SEMA4G: variants seen among roughly 807,000 people sequenced by gnomAD.
The protein encoded by SEMA4G is semaphorin-4G.
In SEMA4G, 59 loss-of-function variants were observed where a neutral mutation model predicts 81.2. That is an observed-to-expected ratio of 0.73 (90% CI 0.59 to 0.90). The LOEUF (loss-of-function observed/expected upper bound fraction) is 0.90. Among genes scored for constraint, SEMA4G ranks in the 40% least tolerant of loss-of-function variants. The pLI, the probability that SEMA4G is intolerant of heterozygous loss-of-function variation, is 0.00. For missense variants in SEMA4G, 952 were observed against 1,102.3 expected (o/e 0.86, Z 1.93); for synonymous variants, 404 against 433.9 (o/e 0.93, Z 0.86).
exon 14 of SEMA4G, chr10:100,983,760 C>G (rs138505815): frequency 4.3e-6 from 7 of 1,610,414 alleles, no homozygotes; most frequent in Non-Finnish European, 5.9e-6. Context: ...CTCACTGGGT[C>G]GGGCCAGCCG....
At chr10:100,984,923 C>T (rs1361197103), downstream of SEMA4G, 2 of 1,446,410 alleles carry the variant, frequency 1.4e-6, no homozygotes, top group Non-Finnish European at 9.1e-7. Flanking sequence ...GTCCCATCCC[C>T]ATGCACATGT....
chr10:100,983,517 G>T lies in SEMA4G; in HGVS notation c.1903G>T (p.Glu635Ter). The change falls in exon 14 of 14, where the codon GAG (glutamate) becomes TAG (stop). Residue 635 changes from glutamate (E) to a stop codon, truncating the protein, a stop_gained. Coordinates refer to ENST00000370250, the Ensembl canonical transcript of SEMA4G. LOFTEE classifies it high-confidence loss of function. ...CAGTGGCAACTATGGCTGCTATGCC[G>T]AGGAAAATGGCCTCCGCACCCTGCT... 1 of 1,614,178 alleles carries T rather than the reference G, an allele frequency of 6.2e-7. No homozygotes were observed. The highest frequency in any genetic ancestry group is 8.5e-7 in the Non-Finnish European group (1 of 1,180,036).
intron 4 of SEMA4G, chr10:100,978,001 T>G: frequency 1.8e-6 from 1 of 570,318 alleles, no homozygotes. Flanking sequence ...CAAAGGGCCT[T>G]GATCCCCTGG....
At chr10:100,977,897 TCC>T (rs1170607424) in intron 4 of SEMA4G, 167 bp downstream of exon 5, 13 of 615,122 alleles carry the variant, frequency 2.1e-5, no homozygotes, top group Non-Finnish European at 3.5e-5. Flanking sequence ...GGAGAACCAT[TCC>T]CCTTTGTAAA....
intron 13 of SEMA4G, among the ~76,000 whole-genome samples, chr10:100,982,391 G>A (rs540580202): frequency 6.6e-6 from 1 of 152,344 alleles, no homozygotes; most frequent in Admixed American, 6.5e-5. Flanking sequence ...TACCTCTCAT[G>A]AAGAATGGAT....
chr10:100,985,157 C>T (rs899075093), downstream of SEMA4G: 2 of 405,426 alleles, frequency 4.9e-6, no homozygotes, highest in Non-Finnish European at 8.8e-6. Context: ...CATTTGCTTC[C>T]TCTAGACTAC....
chr10:100,980,126 TCA>T lies in SEMA4G; in HGVS notation c.1136_1137del (p.Thr379ArgfsTer65). 4 of 1,614,164 alleles carry T rather than the reference TCA, an allele frequency of 2.5e-6. No individual in the cohort carries two copies. Among genetic ancestry groups the T allele is most frequent in the Non-Finnish European group, 3.4e-6 (4 of 1,180,012 alleles). On this transcript the variant is annotated frameshift_variant, in exon 10 of 14. Coordinates refer to ENST00000370250, the Ensembl canonical transcript of SEMA4G. LOFTEE classifies it high-confidence loss of function. ...CACCTTCGTCCCCCACGCCAGTGTATCACAGATTCATTGCGCAGCCAAGGCTA... is the reference window on the plus strand; with the variant it reads ...CACCTTCGTCCCCCACGCCAGTGTATCAGATTCATTGCGCAGCCAAGGCTA...
chr10:100,978,658 C>T lies in SEMA4G; in HGVS notation c.643+18C>T. 1 of 1,603,212 alleles carries T rather than the reference C, an allele frequency of 6.2e-7. No individual in the cohort carries two copies. The highest frequency in any genetic ancestry group is 1.1e-5 in the South Asian group (1 of 90,862). ...GCTCAATGGTTAGGAGGATGAGGCA[C>T]AGGATGATGGGGGGTAGGGGACTAT... On this transcript the variant is annotated intron_variant, in intron 6 of 13. Transcript: ENST00000370250.
chr10:100,979,970 T>TGCC, exon 9 of SEMA4G: 2 of 1,613,876 alleles, frequency 1.2e-6, no homozygotes, highest in Middle Eastern at 3.3e-4. Context: ...GAGGGTGGGG[T>TGCC]GCCTGAGCCC....
intron 13 of SEMA4G, among the ~76,000 whole-genome samples, chr10:100,982,818 G>A (rs556485765): frequency 6.2e-4 from 94 of 152,252 alleles, no homozygotes; most frequent in Middle Eastern, 3.4e-3. Context: ...ACAAAAAGGC[G>A]AGCAAGAAAG....
chr10:100,975,744 A>C lies in SEMA4G; in HGVS notation c.337-1888A>C, dbSNP rs188966398. 3.8e-3 allele frequency among the ~76,000 whole-genome samples: 582 copies of C among 152,178 alleles called. 3 individuals are homozygous for C. The highest frequency in any genetic ancestry group is 7.0e-3 in the Admixed American group (107 of 15,292). Reference sequence around the variant, plus strand: ...GGTGATGCACATCCATGCGAGTAGTAGTCCCAGTCACATCACCATGGTGTT... The same window carrying C: ...GGTGATGCACATCCATGCGAGTAGTCGTCCCAGTCACATCACCATGGTGTT... On this transcript the variant is annotated intron_variant, in intron 3 of 13. Coordinates refer to ENST00000370250, the Ensembl canonical transcript of SEMA4G.
Position 100,983,518 on chromosome 10 carries a change from A to C in SEMA4G, c.1904A>C (p.Glu635Ala), listed in dbSNP as rs1408024389. 1.9e-6 allele frequency: 3 copies of C among 1,614,176 alleles called. No individual in the cohort carries two copies. The East Asian group carries it at 6.7e-5, about 36-fold the overall frequency. ...AGTGGCAACTATGGCTGCTATGCCG[A>C]GGAAAATGGCCTCCGCACCCTGCTG... The change falls in exon 14 of 14, where the codon GAG becomes GCG. Residue 635 changes from glutamate (E) to alanine (A), a missense_variant. Glu to Ala is a moderately radical substitution (Grantham distance 107). Coordinates refer to ENST00000370250, the Ensembl canonical transcript of SEMA4G.
chr10:100,971,535 CCT>C (rs1330934263), upstream of SEMA4G, among the ~76,000 whole-genome samples: 1 of 152,194 alleles, frequency 6.6e-6, no homozygotes, highest in Non-Finnish European at 1.5e-5. Flanking sequence ...TGATTCCTCC[CCT>C]CTTTCCAAGG....
chr10:100,982,291 G>C (rs949644703), intron 13 of SEMA4G, among the ~76,000 whole-genome samples: 1 of 152,144 alleles, frequency 6.6e-6, no homozygotes. Context: ...AGGCCATGTT[G>C]AAGATTTTGG....
At chr10:100,978,184 C>T in intron 4 of SEMA4G, 111 bp from the exon 6 acceptor site, 1 of 707,156 alleles carries the variant, frequency 1.4e-6, no homozygotes, top group Admixed American at 2.5e-5. Context: ...ATCTGCCATA[C>T]AACCTGCCCC....
chr10:100,984,436 G>T, exon 14 of SEMA4G: 1 of 1,495,340 alleles, frequency 6.7e-7, no homozygotes, highest in South Asian at 1.3e-5. Flanking sequence ...TTATAGGTGA[G>T]GACTCCATCC....
exon 1 of SEMA4G, chr10:100,972,791 T>G: frequency 1.1e-5 from 12 of 1,075,098 alleles, no homozygotes; most frequent in Non-Finnish European, 1.3e-5. Flanking sequence ...TTATGACCCC[T>G]GACCTTCCAA....
chr10:100,975,863 C>T (rs1850757679), intron 3 of SEMA4G, among the ~76,000 whole-genome samples: 1 of 152,002 alleles, frequency 6.6e-6, no homozygotes, highest in African/African-American at 2.4e-5. Flanking sequence ...TCATGCACTG[C>T]ACTCCAACCT....
downstream of SEMA4G, chr10:100,984,961 G>A (rs1275426272): frequency 7.1e-7 from 1 of 1,413,176 alleles, no homozygotes; most frequent in Non-Finnish European, 9.3e-7. Flanking sequence ...TCACACATGT[G>A]CTTACATTTC....
Sources: allele counts gnomAD v4.1 joint callset (sites outside exome capture counted in the v4.1 genomes callset), GRCh38; gene constraint gnomAD v4.1.1; transcripts MANE v1.5; gene names NCBI Gene and HGNC (gene_info 2026-07-23, HGNC 2026-07-21).